The following BICC1 variants were observed in gnomAD, a reference collection of about 807,000 sequenced individuals.
The protein encoded by BICC1 is protein bicaudal C homolog 1.
In BICC1, 43 loss-of-function variants were observed where a neutral mutation model predicts 111.0. The observed-to-expected ratio is 0.39, with a 90% CI of 0.30 to 0.50. BICC1 has a LOEUF of 0.50. Among genes scored for constraint, BICC1 ranks in the 20% least tolerant of loss-of-function variants. The pLI is 0.88. For missense variants in BICC1, 1,091 were observed against 1,203.2 expected (o/e 0.91, Z 1.38); for synonymous variants, 467 against 434.4 (o/e 1.07, Z -0.93).
At chr10:58,812,351 G>A (rs748195510) in intron 17 of BICC1, among the ~76,000 whole-genome samples, 4 of 152,138 alleles carry the variant, frequency 2.6e-5, no homozygotes, top group Non-Finnish European at 4.4e-5. Context: ...GAATAAGTTT[G>A]AGGATAGCTG....
chr10:58,717,941 A>C (rs578116964), intron 3 of BICC1, among the ~76,000 whole-genome samples: 1 of 152,272 alleles, frequency 6.6e-6, no homozygotes, highest in East Asian at 1.9e-4. Flanking sequence ...GTGGAAAAAA[A>C]AAACAACAAC....
intron 5 of BICC1, among the ~76,000 whole-genome samples, chr10:58,788,035 T>G (rs1174237180): frequency 6.6e-6 from 1 of 152,190 alleles, no homozygotes; most frequent in Non-Finnish European, 1.5e-5. Flanking sequence ...GTATCTGGTA[T>G]GCAAAGAGCT....
At chr10:58,716,262 G>T (rs778789890) in intron 3 of BICC1, 2 of 1,500,174 alleles carry the variant, frequency 1.3e-6, no homozygotes, top group Non-Finnish European at 1.8e-6. Flanking sequence ...AGAAAAGGCT[G>T]TTAGTTCAAG....
At chr10:58,787,583 A>T (rs1208727355) in intron 5 of BICC1, among the ~76,000 whole-genome samples, 2 of 152,192 alleles carry the variant, frequency 1.3e-5, no homozygotes, top group African/African-American at 2.4e-5. Flanking sequence ...ACCTGTCCTC[A>T]TGCAAGCGGT....
chr10:58,546,768 C>CAAAT (rs1843148431), intron 1 of BICC1, among the ~76,000 whole-genome samples: 1 of 152,062 alleles, frequency 6.6e-6, no homozygotes, highest in African/African-American at 2.4e-5. Flanking sequence ...CCAGTACTTT[C>CAAAT]AAATACTTAA....
At chr10:58,756,025 C>A (rs374704562) in intron 3 of BICC1, among the ~76,000 whole-genome samples, 1 of 152,160 alleles carries the variant, frequency 6.6e-6, no homozygotes, top group African/African-American at 2.4e-5. Context: ...CTGTCCCTTA[C>A]ATTTCTTTAT....
intron 2 of BICC1, among the ~76,000 whole-genome samples, chr10:58,664,314 A>G (rs749754036): frequency 4.6e-5 from 7 of 152,206 alleles, no homozygotes; most frequent in South Asian, 2.1e-4. Context: ...CTGAGAACCA[A>G]TATCGAGCAT....
intron 2 of BICC1, among the ~76,000 whole-genome samples, chr10:58,653,236 G>C (rs940157904): frequency 1.3e-5 from 2 of 152,148 alleles, no homozygotes; most frequent in Non-Finnish European, 2.9e-5. Flanking sequence ...CTTTTTCACT[G>C]AGATGGGCAG....
intron 1 of BICC1, among the ~76,000 whole-genome samples, chr10:58,532,779 C>T (rs1449969467): frequency 6.6e-6 from 1 of 151,884 alleles, no homozygotes; most frequent in African/African-American, 2.4e-5. Flanking sequence ...GGTGCCAAAA[C>T]TGTTGTGCTA....
chr10:58,681,938 A>G (rs951696837), intron 2 of BICC1, among the ~76,000 whole-genome samples: 1 of 151,956 alleles, frequency 6.6e-6, no homozygotes, highest in African/African-American at 2.4e-5. Flanking sequence ...ACATATGTAT[A>G]CATGTGGCAT....
intron 3 of BICC1, among the ~76,000 whole-genome samples, chr10:58,706,368 G>C (rs1840387095): frequency 6.6e-6 from 1 of 152,198 alleles, no homozygotes; most frequent in African/African-American, 2.4e-5. Flanking sequence ...GATTTGCAAT[G>C]AGCATTTATC....
intron 3 of BICC1, among the ~76,000 whole-genome samples, chr10:58,723,841 CT>C (rs1841015249): frequency 6.6e-6 from 1 of 152,174 alleles, no homozygotes; most frequent in Admixed American, 6.5e-5. Context: ...CAATTTACAG[CT>C]GGGCTTATGG....
chr10:58,566,370 A>G (rs1843765001), intron 1 of BICC1, among the ~76,000 whole-genome samples: 1 of 152,090 alleles, frequency 6.6e-6, no homozygotes, highest in Non-Finnish European at 1.5e-5. Flanking sequence ...ACACACATAT[A>G]TGTACACCAC....
chr10:58,770,668 G>C (rs1354597245), intron 3 of BICC1, among the ~76,000 whole-genome samples: 1 of 151,956 alleles, frequency 6.6e-6, no homozygotes, highest in Non-Finnish European at 1.5e-5. Flanking sequence ...TAATAAAAAG[G>C]TTGTTTATAC....
chr10:58,781,133 G>T (rs1019868245), intron 3 of BICC1, among the ~76,000 whole-genome samples: 1 of 152,090 alleles, frequency 6.6e-6, no homozygotes, highest in African/African-American at 2.4e-5. Flanking sequence ...TGAGCAGACG[G>T]GTAGGACAGG....
At chr10:58,808,761 G>A (rs564316725) in intron 17 of BICC1, among the ~76,000 whole-genome samples, 2 of 148,838 alleles carry the variant, frequency 1.3e-5, no homozygotes, top group East Asian at 4.0e-4. Context: ...ACCCCCCTAA[G>A]CTGCAGTGCA....
At chr10:58,723,228 A>G (rs1048209922) in intron 3 of BICC1, among the ~76,000 whole-genome samples, 3 of 152,226 alleles carry the variant, frequency 2.0e-5, no homozygotes, top group Admixed American at 6.5e-5. Flanking sequence ...AATAAAAATT[A>G]TAATGTATTT....
chr10:58,742,431 ATTTTTTTTTTT>A (rs554670544), intron 3 of BICC1, among the ~76,000 whole-genome samples: 11 of 94,168 alleles, frequency 1.2e-4, no homozygotes, highest in Admixed American at 2.7e-4. Context: ...GTATGCTTTA[ATTTTTTTTTTT>A]TTTTTTTTTT....
chr10:58,815,652 G>A (rs1414822917), intron 18 of BICC1, among the ~76,000 whole-genome samples: 1 of 151,648 alleles, frequency 6.6e-6, no homozygotes, highest in East Asian at 1.9e-4. Flanking sequence ...TTTTTTTAGG[G>A]TATAGGGAGT....
Sources: allele counts gnomAD v4.1 joint callset (sites outside exome capture counted in the v4.1 genomes callset), GRCh38; gene constraint gnomAD v4.1.1; transcripts MANE v1.5; gene names NCBI Gene and HGNC (gene_info 2026-07-23, HGNC 2026-07-21).